SLC39A14: variants seen among roughly 807,000 people sequenced by gnomAD.
SLC39A14 encodes metal cation symporter ZIP14.
Under a neutral mutation model 45.5 loss-of-function variants are expected in SLC39A14, and 19 were observed. The observed-to-expected ratio is 0.42, with a 90% CI of 0.29 to 0.61. SLC39A14 has a LOEUF of 0.61. Among genes scored for constraint, SLC39A14 ranks in the 20% least tolerant of loss-of-function variants. The pLI is 0.22. For missense variants in SLC39A14, 447 were observed against 616.5 expected, an observed-to-expected ratio of 0.73 and a Z score of 2.91; for synonymous variants, 264 against 251.3, an observed-to-expected ratio of 1.05 and a Z score of -0.48.
chr8:22,428,733 G>A (rs190271120), intron 8 of SLC39A14, among the ~76,000 whole-genome samples: 65 of 151,978 alleles, frequency 4.3e-4, no homozygotes, highest in Non-Finnish European at 6.6e-4. Context: ...GAGCCACTGC[G>A]CCAGGCCAGT....
At chr8:22,425,883 G>GTT (rs72023394), downstream of SLC39A14, among the ~76,000 whole-genome samples, 4 of 140,860 alleles carry the variant, frequency 2.8e-5, no homozygotes, top group Non-Finnish European at 4.6e-5. Flanking sequence ...GCTCTAGATG[G>GTT]TTTTTGTTTT....
chr8:22,401,545 T>C (rs1834862216), intron 1 of SLC39A14, among the ~76,000 whole-genome samples: 2 of 124,274 alleles, frequency 1.6e-5, no homozygotes, highest in South Asian at 2.7e-4. Context: ...TTCTCTTTCT[T>C]TTTTTTTTTT....
intron 1 of SLC39A14, among the ~76,000 whole-genome samples, chr8:22,384,088 C>T (rs537957526): frequency 3.9e-5 from 6 of 152,246 alleles, no homozygotes; most frequent in African/African-American, 9.6e-5. Flanking sequence ...AAGCCTTGGC[C>T]GTGGGTGAAC....
intron 1 of SLC39A14, among the ~76,000 whole-genome samples, chr8:22,386,244 G>A (rs1205118287): frequency 6.7e-6 from 1 of 149,252 alleles, no homozygotes; most frequent in East Asian, 2.0e-4. Flanking sequence ...TGCGCCTGAC[G>A]AATATGTACT....
At chr8:22,392,706 C>T (rs936706823) in intron 1 of SLC39A14, 1 of 152,290 alleles carries the variant, frequency 6.6e-6, no homozygotes, top group Non-Finnish European at 1.5e-5. Flanking sequence ...CCCTGCCCAC[C>T]TGACTCAGTT....
intron 1 of SLC39A14, among the ~76,000 whole-genome samples, chr8:22,375,278 C>T (rs1277566318): frequency 7.0e-6 from 1 of 143,798 alleles, no homozygotes. Flanking sequence ...TTATTTCCTT[C>T]TGATTATTAA....
At chr8:22,390,789 A>T (rs1834031217) in intron 1 of SLC39A14, 1 of 151,830 alleles carries the variant, frequency 6.6e-6, no homozygotes, top group Non-Finnish European at 1.5e-5. Context: ...TGCAGCCTCA[A>T]ACTCCTGGGT....
At chr8:22,372,617 T>C (rs1190992145) in intron 1 of SLC39A14, among the ~76,000 whole-genome samples, 1 of 152,228 alleles carries the variant, frequency 6.6e-6, no homozygotes, top group Non-Finnish European at 1.5e-5. Context: ...AAAACAGCCA[T>C]GTTCGGAATC....
chr8:22,388,025 G>A (rs375497261), intron 1 of SLC39A14, among the ~76,000 whole-genome samples: 17 of 152,212 alleles, frequency 1.1e-4, no homozygotes, highest in African/African-American at 1.7e-4. Flanking sequence ...TTATATATGC[G>A]TTTGCACGGT....
At chr8:22,419,108 C>G (rs1421350285) in intron 8 of SLC39A14, among the ~76,000 whole-genome samples, 1 of 152,198 alleles carries the variant, frequency 6.6e-6, no homozygotes, top group Non-Finnish European at 1.5e-5. Flanking sequence ...TCATCCAGAG[C>G]CACATACACG....
intron 3 of SLC39A14, 71 bp from the exon 4 acceptor site, chr8:22,411,966 G>C (rs2132341562): frequency 7.2e-7 from 1 of 1,391,418 alleles, no homozygotes; most frequent in Non-Finnish European, 9.7e-7. Flanking sequence ...CTAAATGGTG[G>C]TTGCTGTGCA....
At chr8:22,404,616 C>A in intron 1 of SLC39A14, 80 bp from the exon 2 acceptor site, 1 of 1,336,476 alleles carries the variant, frequency 7.5e-7, no homozygotes, top group South Asian at 1.3e-5. Context: ...TCAACATGTT[C>A]AGTGTGTGGC....
rs569831394 is a variant in SLC39A14 at position 22,367,711 on chromosome 8, C to T, written c.-16+303C>T. ...CTGAGCCAGGCTCCCGGATTCCCCG[C>T]GCGGACACGGACGCAGAACGCAGAC... On this transcript the variant is annotated intron_variant, in intron 1 of 8. Transcript: ENST00000381237. This position sits in a 1 kb window ranked among gnomAD's most constrained non-coding sequence, Gnocchi z 4.2. The T allele has an allele frequency of 6.2e-4, 94 of 152,490 alleles. No homozygotes were observed. Among genetic ancestry groups the T allele is most frequent in the Middle Eastern group, 3.4e-3 (1 of 298 alleles). 9.4% of individuals were successfully genotyped at this position (152,490 alleles called of 1,614,324 possible).
rs567655495 is a variant in SLC39A14, at chr8:22,406,959, A to C, written c.271-1351A>C. On this transcript the variant is annotated intron_variant, in intron 2 of 8. Coordinates refer to ENST00000381237, the MANE Select transcript of SLC39A14 (RefSeq NM_001128431.4). ...TAAGCCCATGTGAGACCGAACTCAG[A>C]AAAGGCCTGGCATGTAGGTGTAGAC... 2.7e-4 allele frequency among the ~76,000 whole-genome samples: 41 copies of C among 152,284 alleles called. 1 individual carries two copies. Among genetic ancestry groups the C allele is most frequent in the African/African-American group, 9.6e-4 (40 of 41,562 alleles).
chr8:22,396,093 A>G (rs1448960824), intron 1 of SLC39A14, among the ~76,000 whole-genome samples: 1 of 152,056 alleles, frequency 6.6e-6, no homozygotes, highest in Non-Finnish European at 1.5e-5. Flanking sequence ...TTGGCCAGGC[A>G]CAGTGGTTTC....
chr8:22,382,071 G>C (rs936306992), intron 1 of SLC39A14, among the ~76,000 whole-genome samples: 20 of 152,084 alleles, frequency 1.3e-4, no homozygotes, highest in African/African-American at 3.6e-4. Flanking sequence ...AACCCAGGGA[G>C]GGGGAGGTTG....
At chr8:22,369,309 T>C (rs2132142557) in intron 1 of SLC39A14, among the ~76,000 whole-genome samples, 1 of 152,294 alleles carries the variant, frequency 6.6e-6, no homozygotes, top group South Asian at 2.1e-4. Context: ...TCGATCCAGG[T>C]GTTGACTGAC....
At chr8:22,397,602 G>A (rs1411902067) in intron 1 of SLC39A14, among the ~76,000 whole-genome samples, 1 of 151,074 alleles carries the variant, frequency 6.6e-6, no homozygotes, top group Admixed American at 6.6e-5. Context: ...AAAAAAAAAA[G>A]AAAGACCTCC....
At position 22,422,244 on chromosome 8, in the gene SLC39A14, G is replaced by A; in HGVS notation, c.*2546G>A. The stretch of plus-strand genomic sequence containing the variant: ...TTAGCAAGGAAAGTGTATGTCACGT[G>A]CAGGAACAGTGAGGCAGGGACAGGG... On this transcript the variant is annotated 3_prime_UTR_variant, in exon 9 of 9. Coordinates refer to ENST00000381237, the MANE Select transcript of SLC39A14 (RefSeq NM_001128431.4). The A allele has an allele frequency of 1.0e-6, 1 of 985,520 alleles. No individual in the cohort carries two copies. The highest frequency in any genetic ancestry group is 1.2e-6 in the Non-Finnish European group (1 of 829,936). 61.0% of individuals were successfully genotyped at this position (985,520 alleles called of 1,614,324 possible).
Sources: allele counts gnomAD v4.1 joint callset (sites outside exome capture counted in the v4.1 genomes callset), GRCh38; gene constraint gnomAD v4.1.1; non-coding constraint Gnocchi (gnomAD v3.1); transcripts MANE v1.5; gene names NCBI Gene and HGNC (gene_info 2026-07-23, HGNC 2026-07-21).